Variants in SIGLECL1 observed in about 807,000 individuals in gnomAD.
SIGLECL1 encodes SIGLEC family like 1.
A neutral mutation model predicts 19.1 loss-of-function variants in SIGLECL1; 16 were observed. That is an observed-to-expected ratio of 0.84 (90% CI 0.57 to 1.27). The LOEUF (loss-of-function observed/expected upper bound fraction) is 1.27, where lower values mean the gene tolerates loss of function less well. Ranked by LOEUF, SIGLECL1 falls within the 50% of genes most tolerant of loss-of-function variation. The pLI is 0.00. For synonymous variants in SIGLECL1, 89 were observed against 90.4 expected (o/e 0.98, Z 0.09); for missense variants, 210 against 239.4 (o/e 0.88, Z 0.81).
upstream of SIGLECL1, among the ~76,000 whole-genome samples, chr19:51,249,938 C>T (rs1479152937): frequency 6.6e-6 from 1 of 152,150 alleles, no homozygotes; most frequent in Non-Finnish European, 1.5e-5. Flanking sequence ...ATTATTCATG[C>T]CTCCCCTTTT....
At chr19:51,261,415 A>G (rs1983210724) in intron 1 of SIGLECL1, among the ~76,000 whole-genome samples, 1 of 151,902 alleles carries the variant, frequency 6.6e-6, no homozygotes, top group Non-Finnish European at 1.5e-5. Context: ...CGGCCTCCTG[A>G]GTAGCTGGGA....
chr19:51,265,010 G>A (rs1983532513), intron 2 of SIGLECL1, among the ~76,000 whole-genome samples: 1 of 152,298 alleles, frequency 6.6e-6, no homozygotes, highest in African/African-American at 2.4e-5. Context: ...GACAGGAAGT[G>A]ATGGAGGGAG....
At chr19:51,249,761 T>C (rs1022265371), upstream of SIGLECL1, among the ~76,000 whole-genome samples, 1 of 152,222 alleles carries the variant, frequency 6.6e-6, no homozygotes, top group Admixed American at 6.5e-5. Context: ...AGGATTCTTG[T>C]ATCTCTTGCA....
intron 2 of SIGLECL1, among the ~76,000 whole-genome samples, chr19:51,265,075 TAGG>T (rs1274486680): frequency 2.0e-5 from 3 of 151,724 alleles, no homozygotes; most frequent in Non-Finnish European, 2.9e-5. Context: ...AGAAGCAGAG[TAGG>T]AGGTCTGGCT....
chr19:51,267,487 A>G lies in SIGLECL1; in HGVS notation c.525A>G (p.Pro175=), dbSNP rs776304365. The change falls in exon 5 of 6, where the codon CCA becomes CCG. Residue 175 remains proline (P), a synonymous_variant. Transcript: ENST00000601727. ...ELEMSLKPEE[P]GKPVVATFSE... ...AGATGTCTCTGAAGCCTGAGGAACC[A>G]GGAAAACCCGTAGTCGCCACATTTT... 6.2e-7 allele frequency: 1 copy of G among 1,614,232 alleles called. No homozygotes were observed. Among genetic ancestry groups the G allele is most frequent in the South Asian group, 1.1e-5 (1 of 91,082 alleles).
chr19:51,253,639 G>A (rs1982627175), intron 1 of SIGLECL1, among the ~76,000 whole-genome samples: 1 of 152,200 alleles, frequency 6.6e-6, no homozygotes, highest in South Asian at 2.1e-4. Context: ...TAAGTATACT[G>A]TGTGTCACAT....
chr19:51,249,221 G>A (rs980022651), upstream of SIGLECL1, among the ~76,000 whole-genome samples: 3 of 152,090 alleles, frequency 2.0e-5, no homozygotes, highest in East Asian at 5.8e-4. Context: ...GGGAAAGCAA[G>A]AGCCAGCAAG....
intron 5 of SIGLECL1, among the ~76,000 whole-genome samples, chr19:51,268,171 T>C (rs987575993): frequency 1.3e-5 from 2 of 152,172 alleles, no homozygotes; most frequent in Non-Finnish European, 2.9e-5. Context: ...TGCTCGACAA[T>C]GCTGGGGTCT....
intron 1 of SIGLECL1, among the ~76,000 whole-genome samples, chr19:51,253,381 TA>T (rs1159417547): frequency 7.3e-6 from 1 of 136,602 alleles, no homozygotes; most frequent in Non-Finnish European, 1.5e-5. Context: ...ATTTAAAATT[TA>T]AAAAAAAGAG....
chr19:51,267,292 A>G, intron 4 of SIGLECL1, 81 bp from the exon 5 acceptor site: 1 of 1,526,114 alleles, frequency 6.6e-7, no homozygotes, highest in Non-Finnish European at 8.8e-7. Flanking sequence ...GCTCTAAATC[A>G]GAAGTTCTGG....
rs1360982767 is a variant in SIGLECL1 at position 51,269,027 on chromosome 19, C to T, written c.*430C>T. Reference sequence around the variant, plus strand: ...TCATATCTGGATAGAATCCCAACTTCAGTGCTTGGTGGCTGTCTATCTTTG... The same window carrying T: ...TCATATCTGGATAGAATCCCAACTTTAGTGCTTGGTGGCTGTCTATCTTTG... On this transcript the variant is annotated 3_prime_UTR_variant, in exon 6 of 6. Transcript: ENST00000601727. 6.0e-6 allele frequency: 1 copy of T among 166,640 alleles called. No homozygotes were observed. The highest frequency in any genetic ancestry group is 1.3e-5 in the Non-Finnish European group (1 of 76,406). The allele number at this position is 166,640 out of a possible 1,614,324, so 10.3% of individuals were successfully genotyped here. A position where few individuals can be genotyped will look rare whatever the true frequency, so the allele number is the denominator to read the frequency against.
In SIGLECL1 at chr19:51,268,766, C is replaced by G. The variant is rs1471248086; in HGVS notation, c.*169C>G. ...CAATTCCTACACATCCCTTAACACT[C>G]ATTCTCCATTGAATAGGTGGTTACT... is the stretch of plus-strand genomic sequence containing the variant. On this transcript the variant is annotated 3_prime_UTR_variant, in exon 6 of 6. Coordinates refer to ENST00000601727, the MANE Select transcript of SIGLECL1 (RefSeq NM_001385465.1). 3.2e-6 allele frequency: 2 copies of G among 621,548 alleles called. No individual in the cohort carries two copies. The highest frequency in any genetic ancestry group is 5.7e-6 in the Non-Finnish European group (2 of 353,916). 38.5% of individuals were successfully genotyped at this position (621,548 alleles called of 1,614,324 possible).
chr19:51,259,554 G>A (rs1172317852), intron 1 of SIGLECL1, among the ~76,000 whole-genome samples: 1 of 152,198 alleles, frequency 6.6e-6, no homozygotes, highest in African/African-American at 2.4e-5. Context: ...ACCCAGTGGT[G>A]AATGCTGGGA....
Position 51,268,907 on chromosome 19 carries a change from C to A in SIGLECL1, c.*310C>A. ...TCAAAAGAAGGAAAAATACATGTGA[C>A]AATATGAATCAAGTCCATCAGCAAG... On this transcript the variant is annotated 3_prime_UTR_variant, in exon 6 of 6. Transcript: ENST00000601727. 1 of 298,234 alleles carries A rather than the reference C, an allele frequency of 3.4e-6. No individual in the cohort carries two copies. Among genetic ancestry groups the A allele is most frequent in the Non-Finnish European group, 6.2e-6 (1 of 160,846 alleles). 18.5% of individuals were successfully genotyped at this position (298,234 alleles called of 1,614,324 possible).
chr19:51,250,403 C>T (rs1044231962), upstream of SIGLECL1, among the ~76,000 whole-genome samples: 4 of 152,118 alleles, frequency 2.6e-5, no homozygotes, highest in Non-Finnish European at 4.4e-5. Flanking sequence ...TTCTTTACTG[C>T]AACCTGTTTT....
chr19:51,247,340 C>T (rs1054278811), upstream of SIGLECL1, among the ~76,000 whole-genome samples: 1 of 152,198 alleles, frequency 6.6e-6, no homozygotes, highest in Non-Finnish European at 1.5e-5. Context: ...AGCCTTCCTC[C>T]TCTGTATTCA....
chr19:51,250,389 T>G (rs1982416363), upstream of SIGLECL1, among the ~76,000 whole-genome samples: 1 of 152,226 alleles, frequency 6.6e-6, no homozygotes, highest in Non-Finnish European at 1.5e-5. Flanking sequence ...CAGCCTTGGC[T>G]GGTTTCTTTA....
upstream of SIGLECL1, among the ~76,000 whole-genome samples, chr19:51,250,651 A>T (rs1982425736): frequency 6.6e-6 from 1 of 152,224 alleles, no homozygotes; most frequent in Non-Finnish European, 1.5e-5. Context: ...AACAAGAGGA[A>T]CGGAGTCCTC....
At position 51,268,420 on chromosome 19, in the gene SIGLECL1, A is replaced by G. The variant is rs1983837075; in HGVS notation, c.568-151A>G. On this transcript the variant is annotated intron_variant, in intron 5 of 5. Transcript: ENST00000601727. ...GAAGACCGAGTTGCAGGCTTTAACC[A>G]TGGGGTTGTGAGGAAGGGCTAAGCC... 3.1e-5 allele frequency: 25 copies of G among 804,888 alleles called. No homozygotes were observed. The Admixed American group carries it at 4.7e-4, about 15-fold the overall frequency. The allele number at this position is 804,888 out of a possible 1,614,324, so 49.9% of individuals were successfully genotyped here.
Sources: gnomAD v4.1 joint callset for allele counts (sites outside exome capture counted in the v4.1 genomes callset) on GRCh38, gnomAD v4.1.1 for gene constraint, MANE v1.5 for transcripts, NCBI Gene and HGNC (gene_info 2026-07-23, HGNC 2026-07-21) for gene names.